Variants in FAM168B observed in about 807,000 individuals in gnomAD.
The protein encoded by FAM168B is family with sequence similarity 168 member B, also known as myelin-associated neurite-outgrowth inhibitor.
FAM168B carries 19 observed loss-of-function variants against 21.8 expected under a neutral mutation model. The ratio of observed to expected loss-of-function variants is 0.87; its 90% confidence interval spans 0.61 to 1.28. The LOEUF (loss-of-function observed/expected upper bound fraction) is 1.28. Among genes scored for constraint, FAM168B ranks in the 50% most tolerant of loss-of-function variants. FAM168B has a pLI of 0.00. For missense variants in FAM168B, 233 were observed against 263.1 expected (o/e 0.89, Z 0.79); for synonymous variants, 126 against 104.8 (o/e 1.20, Z -1.24).
chr2:131,051,926 C>A lies in FAM168B; in HGVS notation c.*539G>T. On this transcript the variant is annotated 3_prime_UTR_variant, in exon 7 of 7. Transcript: ENST00000389915. ...AACAGGTCGCTGAAAACTAAAATGT[C>A]CACATCCCTAACTGGCAACCCACAT... The A allele has an allele frequency of 4.1e-6, 4 of 985,488 alleles. No homozygotes were observed. The South Asian group carries it at 1.4e-4, about 35-fold the overall frequency. The allele number at this position is 985,488 out of a possible 1,614,324, so 61.0% of individuals were successfully genotyped here. A position where few individuals can be genotyped will look rare whatever the true frequency, so the allele number is the denominator to read the frequency against.
intron 3 of FAM168B, among the ~76,000 whole-genome samples, chr2:131,058,032 A>AT (rs1692112051): frequency 6.6e-6 from 1 of 152,106 alleles, no homozygotes; most frequent in Non-Finnish European, 1.5e-5. Context: ...GGATTTTGCC[A>AT]TGTTGGCCAG....
Position 131,085,910 on chromosome 2 carries a change from C to T in FAM168B, c.-11-3253G>A, listed in dbSNP as rs374828259. Among the ~76,000 whole-genome samples, 195 of 152,322 alleles carry T rather than the reference C, an allele frequency of 1.3e-3. 1 individual carries two copies. The highest frequency in any genetic ancestry group is 4.3e-3 in the African/African-American group (180 of 41,564). ...ATCTGAAAAGTAAGGCTAAATGAGG[C>T]TACTGTGAGATTGATCTTTTAGCTT... On this transcript the variant is annotated intron_variant, in intron 1 of 6. Coordinates refer to ENST00000389915, the MANE Select transcript of FAM168B (RefSeq NM_001009993.4).
At chr2:131,070,562 G>A (rs1332109868) in intron 3 of FAM168B, among the ~76,000 whole-genome samples, 2 of 152,168 alleles carry the variant, frequency 1.3e-5, no homozygotes, top group Non-Finnish European at 2.9e-5. Context: ...ATTTACTCAA[G>A]AGAAATCAAA....
chr2:131,085,724 A>T (rs1693662871), intron 1 of FAM168B, among the ~76,000 whole-genome samples: 1 of 152,176 alleles, frequency 6.6e-6, no homozygotes, highest in East Asian at 1.9e-4. Flanking sequence ...ATTTTTTTAA[A>T]CTTCTAAACC....
intron 1 of FAM168B, among the ~76,000 whole-genome samples, chr2:131,085,617 G>C (rs952808959): frequency 6.6e-6 from 1 of 152,158 alleles, no homozygotes; most frequent in African/African-American, 2.4e-5. Context: ...GAAAATATTA[G>C]GTCACATCCT....
At chr2:131,062,050 A>G (rs1269042325) in intron 3 of FAM168B, among the ~76,000 whole-genome samples, 2 of 152,244 alleles carry the variant, frequency 1.3e-5, no homozygotes, top group African/African-American at 4.8e-5. Context: ...TGTTAAAAGA[A>G]GTCAAAACAA....
chr2:131,074,234 T>C (rs1036622525), intron 2 of FAM168B, among the ~76,000 whole-genome samples: 11 of 152,184 alleles, frequency 7.2e-5, no homozygotes, highest in Non-Finnish European at 1.3e-4. Context: ...GTTCAAGCGA[T>C]TCTCCTGCCT....
At chr2:131,057,705 C>T (rs1484187980) in intron 3 of FAM168B, among the ~76,000 whole-genome samples, 3 of 152,148 alleles carry the variant, frequency 2.0e-5, no homozygotes, top group Non-Finnish European at 4.4e-5. Flanking sequence ...GTAATTATGC[C>T]TCTGCATTCT....
intron 5 of FAM168B, 26 bp downstream of exon 5, chr2:131,055,246 C>T (rs1161012043): frequency 2.0e-6 from 3 of 1,513,168 alleles, no homozygotes. Flanking sequence ...CACCATAGGA[C>T]AGACACCGCA....
intron 3 of FAM168B, among the ~76,000 whole-genome samples, chr2:131,058,991 C>A (rs1226030015): frequency 6.6e-6 from 1 of 152,124 alleles, no homozygotes; most frequent in African/African-American, 2.4e-5. Flanking sequence ...TCCCAGGAGA[C>A]CCGGGACAGT....
chr2:131,086,114 C>G (rs757870295), intron 1 of FAM168B, among the ~76,000 whole-genome samples: 21 of 152,174 alleles, frequency 1.4e-4, no homozygotes, highest in Non-Finnish European at 2.5e-4. Flanking sequence ...CTGCCAATCC[C>G]TAGTCCCCTG....
Position 131,050,464 on chromosome 2 carries a change from G to A in FAM168B, c.*2001C>T, listed in dbSNP as rs1691593200. The A allele has an allele frequency of 2.0e-6, 2 of 985,806 alleles. No individual in the cohort carries two copies. The highest frequency in any genetic ancestry group is 4.7e-5 in the South Asian group (1 of 21,282). The allele number at this position is 985,806 out of a possible 1,614,324, so 61.1% of individuals were successfully genotyped here. A position where few individuals can be genotyped will look rare whatever the true frequency, so the allele number is the denominator to read the frequency against. On this transcript the variant is annotated 3_prime_UTR_variant, in exon 7 of 7. Coordinates refer to ENST00000389915, the MANE Select transcript of FAM168B (RefSeq NM_001009993.4). ...TACCAACAGAGACTTGAAGAAAGGGGCACAAACTGTGTGCCTGCGGTAAAT... is the reference window on the plus strand; with the variant it reads ...TACCAACAGAGACTTGAAGAAAGGGACACAAACTGTGTGCCTGCGGTAAAT...
At chr2:131,081,427 A>G (rs1693429306) in intron 2 of FAM168B, among the ~76,000 whole-genome samples, 1 of 152,180 alleles carries the variant, frequency 6.6e-6, no homozygotes, top group African/African-American at 2.4e-5. Flanking sequence ...CCCAGGAGTA[A>G]CCAAGCCTGG....
rs1291737100 is a variant in FAM168B at position 131,048,187 on chromosome 2, A to G, written c.*4278T>C. 2 of 1,250,772 alleles carry G rather than the reference A, an allele frequency of 1.6e-6. No homozygotes were observed. The highest frequency in any genetic ancestry group is 2.1e-6 in the Non-Finnish European group (2 of 960,200). 77.5% of individuals were successfully genotyped at this position (1,250,772 alleles called of 1,614,324 possible). ...TTTAAAAATCATTTTTAAAAAAACA[A>G]AAAGGAACCGTTTCTTCTTTAGTTA... On this transcript the variant is annotated 3_prime_UTR_variant, in exon 7 of 7. Coordinates refer to ENST00000389915, the MANE Select transcript of FAM168B (RefSeq NM_001009993.4).
rs927601005 is a variant in FAM168B at position 131,049,996 on chromosome 2, CAA to C, written c.*2467_*2468del. On this transcript the variant is annotated 3_prime_UTR_variant, in exon 7 of 7. Coordinates refer to ENST00000389915, the MANE Select transcript of FAM168B (RefSeq NM_001009993.4). ...CTGACAGCTGACGTCCTAAAAATTTCAAAGTCAGAAAGATTTCTGCACGGATG... is the reference window on the plus strand; with the variant it reads ...CTGACAGCTGACGTCCTAAAAATTTCAGTCAGAAAGATTTCTGCACGGATG... 1 of 985,340 alleles carries C rather than the reference CAA, an allele frequency of 1.0e-6. No individual in the cohort carries two copies. Among genetic ancestry groups the C allele is most frequent in the African/African-American group, 1.7e-5 (1 of 57,236 alleles). 61.0% of individuals were successfully genotyped at this position (985,340 alleles called of 1,614,324 possible). A position where few individuals can be genotyped will look rare whatever the true frequency, so the allele number is the denominator to read the frequency against.
rs148957611 is a variant in FAM168B at position 131,048,052 on chromosome 2, T to A, written c.*4413A>T. 4.5e-4 allele frequency: 231 copies of A among 518,914 alleles called. 1 individual carries two copies. The Admixed American group carries it at 9.3e-3, about 21-fold the overall frequency. The allele number at this position is 518,914 out of a possible 1,614,324, so 32.1% of individuals were successfully genotyped here. A position where few individuals can be genotyped will look rare whatever the true frequency, so the allele number is the denominator to read the frequency against. The stretch of plus-strand genomic sequence containing the variant: ...TGGCTCAGGATGGAAATTCCATTCC[T>A]TGGCATGGATACGTAAGTTCAATGC... On this transcript the variant is annotated 3_prime_UTR_variant, in exon 7 of 7. Transcript: ENST00000389915.
chr2:131,070,365 A>C (rs1692812957), intron 3 of FAM168B, among the ~76,000 whole-genome samples: 1 of 152,242 alleles, frequency 6.6e-6, no homozygotes. Context: ...CACATTCACT[A>C]GAATGGCTAG....
rs780160967 is a variant in FAM168B at position 131,071,958 on chromosome 2, A to G, written c.71-20T>C. The G allele has an allele frequency of 3.1e-6, 5 of 1,608,536 alleles. No homozygotes were observed. Among genetic ancestry groups the G allele is most frequent in the African/African-American group, 1.4e-5 (1 of 73,914 alleles). On this transcript the variant is annotated intron_variant, in intron 2 of 6. Transcript: ENST00000389915. ...AACCAGCTGAAGAAAAATAAAGAACAATCTCATGTCATCAACTGAAGTAGC... is the reference window on the plus strand; with the variant it reads ...AACCAGCTGAAGAAAAATAAAGAACGATCTCATGTCATCAACTGAAGTAGC...
rs57542340 is a variant in FAM168B at position 131,091,965 on chromosome 2, T to TA, written c.-12+1248dup. 6.8e-3 allele frequency among the ~76,000 whole-genome samples: 878 copies of TA among 128,782 alleles called. 2 individuals are homozygous for TA. Among genetic ancestry groups the TA allele is most frequent in the African/African-American group, 9.2e-3 (329 of 35,612 alleles). 84.5% of individuals were successfully genotyped at this position (128,782 alleles called of 152,430 possible). A position where few individuals can be genotyped will look rare whatever the true frequency, so the allele number is the denominator to read the frequency against. ...TAACACGGTGAAACCTCGTCTCTAC[T>TA]AAAAAAAAAAAAAAACAAATACAAA... On this transcript the variant is annotated intron_variant, in intron 1 of 6. Transcript: ENST00000389915.
Sources: gnomAD v4.1 joint callset for allele counts (sites outside exome capture counted in the v4.1 genomes callset) on GRCh38, gnomAD v4.1.1 for gene constraint, MANE v1.5 for transcripts, NCBI Gene and HGNC (gene_info 2026-07-23, HGNC 2026-07-21) for gene names.